NFAM1: variants seen among roughly 807,000 people sequenced by gnomAD.
The protein encoded by NFAM1 is NFAT activating protein with ITAM motif 1.
Under a neutral mutation model 29.0 loss-of-function variants are expected in NFAM1, and 17 were observed. The ratio of observed to expected loss-of-function variants is 0.59; its 90% confidence interval spans 0.40 to 0.88. The LOEUF is 0.88. Among genes scored for constraint, NFAM1 ranks in the 40% least tolerant of loss-of-function variants. NFAM1 has a pLI of 0.00. For missense variants in NFAM1, 324 were observed against 344.6 expected, an observed-to-expected ratio of 0.94 and a Z score of 0.47; for synonymous variants, 175 against 147.2, an observed-to-expected ratio of 1.19 and a Z score of -1.36.
chr22:42,391,661 G>C (rs1240719077), intron 4 of NFAM1, among the ~76,000 whole-genome samples: 1 of 151,980 alleles, frequency 6.6e-6, no homozygotes, highest in Non-Finnish European at 1.5e-5. Context: ...GTTGGAGTTC[G>C]AGGCTGGGCG....
chr22:42,432,164 C>T, intron 1 of NFAM1, 73 bp downstream of exon 1: 18 of 1,350,578 alleles, frequency 1.3e-5, no homozygotes, highest in Admixed American at 5.9e-5. Flanking sequence ...GAATTAGCTG[C>T]GCCGGGCGGG....
Position 42,385,309 on chromosome 22 carries a change from AG to A in NFAM1, c.754-90del. Reference sequence around the variant, plus strand: ...CTTGCACTAATTTAGTTTTAGCCAGAGGGCAACAGATCACTTCCTGTGTAGC... The same window carrying A: ...CTTGCACTAATTTAGTTTTAGCCAGAGGCAACAGATCACTTCCTGTGTAGC... On this transcript the variant is annotated intron_variant, in intron 5 of 5. Transcript: ENST00000329021. 3 of 938,922 alleles carry A rather than the reference AG, an allele frequency of 3.2e-6. No individual in the cohort carries two copies. The Admixed American group carries it at 5.2e-5, about 16-fold the overall frequency. The allele number at this position is 938,922 out of a possible 1,614,324, so 58.2% of individuals were successfully genotyped here. A position where few individuals can be genotyped will look rare whatever the true frequency, so the allele number is the denominator to read the frequency against.
rs1183935993 is a variant in NFAM1 at position 42,419,754 on chromosome 22, G to A, written c.122-8018C>T. ...CTTTGGGGTCCCCCTCTGTCTCCAGGACATGCTCACTTCCTCCCTGAGCCA... is the reference window on the plus strand; with the variant it reads ...CTTTGGGGTCCCCCTCTGTCTCCAGAACATGCTCACTTCCTCCCTGAGCCA... On this transcript the variant is annotated intron_variant, in intron 1 of 5. Transcript: ENST00000329021. This position sits in a 1 kb window ranked among gnomAD's most constrained non-coding sequence, Gnocchi z 4.5. 6.6e-6 allele frequency among the ~76,000 whole-genome samples: 1 copy of A among 152,116 alleles called. No individual in the cohort carries two copies. Among genetic ancestry groups the A allele is most frequent in the African/African-American group, 2.4e-5 (1 of 41,398 alleles).
chr22:42,399,561 G>C (rs1929658585), intron 3 of NFAM1, among the ~76,000 whole-genome samples: 1 of 152,100 alleles, frequency 6.6e-6, no homozygotes, highest in African/African-American at 2.4e-5. Context: ...CGTGCTGGCT[G>C]CATGAAGAGC....
intron 1 of NFAM1, among the ~76,000 whole-genome samples, chr22:42,422,334 A>G (rs1175905596): frequency 1.3e-5 from 2 of 152,182 alleles, no homozygotes; most frequent in Non-Finnish European, 2.9e-5. Context: ...GGCCGGGCGC[A>G]GGTGCTCACG....
rs1930094613 is a variant in NFAM1 at position 42,411,613 on chromosome 22, T to C, written c.245A>G (p.Tyr82Cys). The change falls in exon 2 of 6, where the codon TAC (tyrosine) becomes TGC (cysteine). Residue 82 changes from tyrosine to cysteine, a missense_variant. Coordinates refer to ENST00000329021, the MANE Select transcript of NFAM1 (RefSeq NM_145912.8). ...CTGTCCCTGGAGATCTTCATGAAAGTAGCTGACTGTGAAAACCTTGAATTG... is the reference window on the plus strand; with the variant it reads ...CTGTCCCTGGAGATCTTCATGAAAGCAGCTGACTGTGAAAACCTTGAATTG... Reference protein sequence around the residue: ...TPQFKVFTVSYFHEDLQGQRS... With the variant: ...TPQFKVFTVSCFHEDLQGQRS... 1 of 1,614,042 alleles carries C rather than the reference T, an allele frequency of 6.2e-7. No homozygotes were observed. The highest frequency in any genetic ancestry group is 8.5e-7 in the Non-Finnish European group (1 of 1,179,998).
chr22:42,429,564 C>T (rs1348920152), intron 1 of NFAM1, among the ~76,000 whole-genome samples: 3 of 152,114 alleles, frequency 2.0e-5, no homozygotes, highest in African/African-American at 7.2e-5. Context: ...TGCAGTAAGC[C>T]GAGATGGTGC....
At chr22:42,385,504 C>A (rs1351659696) in intron 5 of NFAM1, among the ~76,000 whole-genome samples, 2 of 152,014 alleles carry the variant, frequency 1.3e-5, no homozygotes, top group Non-Finnish European at 2.9e-5. Context: ...GTGTGGGATG[C>A]GCCTCCTCCC....
intron 1 of NFAM1, among the ~76,000 whole-genome samples, chr22:42,426,058 G>A (rs1008951115): frequency 6.6e-6 from 1 of 152,208 alleles, no homozygotes; most frequent in Admixed American, 6.5e-5. Context: ...AGGGAGCAGT[G>A]TAGAAAGAAG....
chr22:42,402,666 G>A lies in NFAM1; in HGVS notation c.565-4710C>T, dbSNP rs532720158. On this transcript the variant is annotated intron_variant, in intron 3 of 5. Transcript: ENST00000329021. ...GGATGAGGATGAGGACGGGCCAGCC[G>A]CAGGGAGCGCCTGCTCTGGGAACAC... Among the ~76,000 whole-genome samples the A allele has an allele frequency of 4.4e-3, 661 of 151,266 alleles. 7 individuals carry two copies. The highest frequency in any genetic ancestry group is 0.014 in the African/African-American group (583 of 41,038).
intron 1 of NFAM1, among the ~76,000 whole-genome samples, chr22:42,425,524 C>T (rs1481070616): frequency 6.6e-6 from 1 of 152,088 alleles, no homozygotes; most frequent in East Asian, 1.9e-4. Context: ...CCTCCTTACC[C>T]TTCCACTTCC....
At chr22:42,437,719 C>G in the NFAM1 span, among the ~76,000 whole-genome samples, 1 of 152,196 alleles carries the variant, frequency 6.6e-6, no homozygotes, top group Non-Finnish European at 1.5e-5. Flanking sequence ...CCTTCTTCCC[C>G]CTCTAGGGGT....
At position 42,423,039 on chromosome 22, in the gene NFAM1, C is replaced by T. The variant is rs1483041748; in HGVS notation, c.121+9198G>A. 7.9e-5 allele frequency among the ~76,000 whole-genome samples: 11 copies of T among 138,436 alleles called. No homozygotes were observed. The South Asian group carries it at 9.1e-4, about 11-fold the overall frequency. 90.8% of individuals were successfully genotyped at this position (138,436 alleles called of 152,430 possible). A position where few individuals can be genotyped will look rare whatever the true frequency, so the allele number is the denominator to read the frequency against. ...GAGGCATGAGAATCACTTGAACCTG[C>T]GAGGCAGAGATTGCAGTGAGCCAAG... is the stretch of plus-strand genomic sequence containing the variant. On this transcript the variant is annotated intron_variant, in intron 1 of 5. Transcript: ENST00000329021.
intron 4 of NFAM1, among the ~76,000 whole-genome samples, chr22:42,391,095 T>A (rs12484851): frequency 0.16 from 24,290 of 152,144 alleles, 2,030 homozygotes; most frequent in African/African-American, 0.19. Flanking sequence ...TGGGCACTCC[T>A]CACACCCCTA....
rs753350794 is a variant in NFAM1, at chr22:42,388,080, C to T, written c.664-1002G>A. On this transcript the variant is annotated intron_variant, in intron 4 of 5. Coordinates refer to ENST00000329021, the MANE Select transcript of NFAM1 (RefSeq NM_145912.8). This position sits in a 1 kb window ranked among gnomAD's most constrained non-coding sequence, Gnocchi z 4.1. ...ATGAGCTATGGTAAGGGGGCTTCCC[C>T]GTCACTCGGGTGTGTCCTAGGCCCA... is the stretch of plus-strand genomic sequence containing the variant. Among the ~76,000 whole-genome samples, 12 of 152,232 alleles carry T rather than the reference C, an allele frequency of 7.9e-5. No individual in the cohort carries two copies. Among genetic ancestry groups the T allele is most frequent in the Non-Finnish European group, 1.6e-4 (11 of 68,050 alleles).
chr22:42,392,463 C>T (rs996250306), intron 4 of NFAM1, among the ~76,000 whole-genome samples: 1 of 151,936 alleles, frequency 6.6e-6, no homozygotes, highest in African/African-American at 2.4e-5. Flanking sequence ...TAGAGAGAAA[C>T]AGAAAGGAGA....
At chr22:42,421,607 G>A (rs1019182818) in intron 1 of NFAM1, among the ~76,000 whole-genome samples, 1 of 152,134 alleles carries the variant, frequency 6.6e-6, no homozygotes, top group African/African-American at 2.4e-5. Flanking sequence ...CCAGGGCTTT[G>A]GTCCCGGCTC....
chr22:42,418,622 G>C (rs1173129422), intron 1 of NFAM1, among the ~76,000 whole-genome samples: 1 of 152,122 alleles, frequency 6.6e-6, no homozygotes, highest in Non-Finnish European at 1.5e-5. Flanking sequence ...GAACCCAGGA[G>C]GCGGAGATTG....
intron 2 of NFAM1, chr22:42,410,289 G>C: frequency 7.7e-6 from 2 of 260,218 alleles, no homozygotes; most frequent in Non-Finnish European, 1.6e-5. Context: ...CCAGGGGATC[G>C]CAGAGGTAGG....
Sources: allele counts gnomAD v4.1 joint callset (sites outside exome capture counted in the v4.1 genomes callset), GRCh38; gene constraint gnomAD v4.1.1; non-coding constraint Gnocchi (gnomAD v3.1); transcripts MANE v1.5; gene names NCBI Gene and HGNC (gene_info 2026-07-23, HGNC 2026-07-21).